MAP7: variants seen among roughly 807,000 people sequenced by gnomAD.
MAP7 encodes the protein ensconsin.
In MAP7, 52 loss-of-function variants were observed where a neutral mutation model predicts 94.8. The ratio of observed to expected loss-of-function variants is 0.55; its 90% CI spans 0.44 to 0.69. MAP7 has a LOEUF of 0.69. Ranked by LOEUF, MAP7 falls within the 30% of genes least tolerant of loss-of-function variation. The pLI is 0.00. For synonymous variants in MAP7, 350 were observed against 357.0 expected, an observed-to-expected ratio of 0.98 and a Z score of 0.22; for missense variants, 940 against 964.6, an observed-to-expected ratio of 0.97 and a Z score of 0.34.
chr6:136,347,585 T>C (rs538742391), intron 16 of MAP7, among the ~76,000 whole-genome samples: 1 of 152,212 alleles, frequency 6.6e-6, no homozygotes, highest in East Asian at 1.9e-4. Context: ...TTTGTATTTT[T>C]AGTAGAGAAA....
chr6:136,485,648 C>T (rs1814449724), intron 1 of MAP7, among the ~76,000 whole-genome samples: 1 of 146,590 alleles, frequency 6.8e-6, no homozygotes, highest in East Asian at 2.0e-4. Context: ...CTGCAAGCTC[C>T]GCCTCCCGGG....
At chr6:136,447,317 T>G (rs569176041) in intron 1 of MAP7, among the ~76,000 whole-genome samples, 1 of 152,246 alleles carries the variant, frequency 6.6e-6, no homozygotes, top group East Asian at 1.9e-4. Flanking sequence ...GTTAAACATC[T>G]GGCAAGGCTT....
intron 7 of MAP7, among the ~76,000 whole-genome samples, 188 bp downstream of exon 7, chr6:136,377,567 G>A (rs1776535972): frequency 2.0e-5 from 3 of 152,206 alleles, no homozygotes; most frequent in Admixed American, 2.0e-4. Context: ...GGCGTCTGGT[G>A]TCCAGATAAG....
chr6:136,436,191 AT>A (rs1796332992), intron 1 of MAP7, among the ~76,000 whole-genome samples: 1 of 152,296 alleles, frequency 6.6e-6, no homozygotes, highest in South Asian at 2.1e-4. Flanking sequence ...AACTATTTAG[AT>A]TTTTAAAATG....
At chr6:136,524,059 G>A (rs959259695) in intron 1 of MAP7, among the ~76,000 whole-genome samples, 1 of 151,900 alleles carries the variant, frequency 6.6e-6, no homozygotes. Context: ...GCCAATAATG[G>A]TGAAACCCCG....
rs752504366 is a variant in MAP7 at position 136,389,465 on chromosome 6, G to A, written c.297C>T (p.Tyr99=). 37 of 1,609,088 alleles carry A rather than the reference G, an allele frequency of 2.3e-5. No individual in the cohort carries two copies. In the Middle Eastern group the frequency reaches 9.9e-4, roughly 43 times the overall value. ...TCTTCCGCTCTTCCAGGTGCTTCTC[G>A]TAGTGCTGCCTGGCTCGCTCTTCTC... ...LEREERARQH[Y]EKHLEERKKR... The change falls in exon 4 of 18, where the codon TAC becomes TAT. Residue 99 remains tyrosine (Y), a synonymous_variant. Coordinates refer to ENST00000354570, the MANE Select transcript of MAP7 (RefSeq NM_003980.6).
intron 1 of MAP7, among the ~76,000 whole-genome samples, chr6:136,449,687 A>G (rs190643495): frequency 6.6e-6 from 1 of 152,348 alleles, no homozygotes; most frequent in Non-Finnish European, 1.5e-5. Flanking sequence ...AAAACTAAAA[A>G]TATGTAAGGA....
chr6:136,545,630 T>C (rs1476212563), intron 1 of MAP7: 1 of 152,268 alleles, frequency 6.6e-6, no homozygotes, highest in Non-Finnish European at 1.5e-5. Context: ...GCTTTACACA[T>C]GTGTCAATAT....
intron 1 of MAP7, among the ~76,000 whole-genome samples, chr6:136,498,098 A>C (rs978055374): frequency 6.6e-6 from 1 of 152,102 alleles, no homozygotes; most frequent in Non-Finnish European, 1.5e-5. Flanking sequence ...CCTTTTGAGA[A>C]GATGATGAAA....
chr6:136,344,203 A>G lies in MAP7; in HGVS notation c.*25T>C. On this transcript the variant is annotated 3_prime_UTR_variant, in exon 18 of 18. Coordinates refer to ENST00000354570, the MANE Select transcript of MAP7 (RefSeq NM_003980.6). ...ATTGTAGAAATTCTCATTAAATTTC[A>G]GCTTTGGTTCTTCAGAAGAAACACT... 1.5e-6 allele frequency: 2 copies of G among 1,299,106 alleles called. No individual in the cohort carries two copies. The highest frequency in any genetic ancestry group is 2.1e-6 in the Non-Finnish European group (2 of 971,150). 80.5% of individuals were successfully genotyped at this position (1,299,106 alleles called of 1,614,324 possible). A position where few individuals can be genotyped will look rare whatever the true frequency, so the allele number is the denominator to read the frequency against.
chr6:136,504,157 T>C (rs540941355), intron 1 of MAP7, among the ~76,000 whole-genome samples: 35 of 152,202 alleles, frequency 2.3e-4, no homozygotes, highest in African/African-American at 8.2e-4. Context: ...ACACAAATGA[T>C]GTATTATTTA....
At chr6:136,370,752 G>C (rs1774213070) in intron 8 of MAP7, among the ~76,000 whole-genome samples, 1 of 152,070 alleles carries the variant, frequency 6.6e-6, no homozygotes, top group Non-Finnish European at 1.5e-5. Flanking sequence ...GCCAGGGCCT[G>C]GGGGGAGGGG....
chr6:136,448,403 T>C (rs1799998679), intron 1 of MAP7, among the ~76,000 whole-genome samples: 1 of 151,912 alleles, frequency 6.6e-6, no homozygotes, highest in African/African-American at 2.4e-5. Context: ...AAGGCTATGG[T>C]TAATGACTAC....
rs567634181 is a variant in MAP7, at chr6:136,472,290, G to C, written c.68-50491C>G. On this transcript the variant is annotated intron_variant, in intron 1 of 17. Transcript: ENST00000354570. ...TCACTGATACAGAGGATTAATGGGA[G>C]AGCCTGACAGCTGGAGTCCTATGTT... is the stretch of plus-strand genomic sequence containing the variant. Among the ~76,000 whole-genome samples, 187 of 152,262 alleles carry C rather than the reference G, an allele frequency of 1.2e-3. 1 individual carries two copies. The highest frequency in any genetic ancestry group is 4.3e-3 in the African/African-American group (177 of 41,546).
At chr6:136,405,485 G>A (rs1467712921) in intron 3 of MAP7, among the ~76,000 whole-genome samples, 1 of 152,226 alleles carries the variant, frequency 6.6e-6, no homozygotes, top group East Asian at 1.9e-4. Flanking sequence ...GCATTTGGCT[G>A]TAGTGTTTAA....
intron 16 of MAP7, among the ~76,000 whole-genome samples, chr6:136,354,132 T>TAC (rs1790089370): frequency 1.4e-5 from 2 of 144,892 alleles, no homozygotes; most frequent in African/African-American, 2.5e-5. Flanking sequence ...ATTATATATA[T>TAC]AAAATATATA....
At position 136,345,963 on chromosome 6, in the gene MAP7, T is replaced by G; in HGVS notation, c.2132A>C (p.Asn711Thr). The change falls in exon 17 of 18, where the codon AAC (asparagine) becomes ACC (threonine). Residue 711 changes from asparagine to threonine, a missense_variant. Coordinates refer to ENST00000354570, the MANE Select transcript of MAP7 (RefSeq NM_003980.6). ...GSKPSRLDVT[N>T]SESPEIPLNP... is the part of the protein sequence containing the mutation. The stretch of plus-strand genomic sequence containing the variant: ...CAAAGGAATTTCTGGGCTCTCACTG[T>G]TGGTGACATCTAATCTGGATGGTTT... 1 of 1,614,004 alleles carries G rather than the reference T, an allele frequency of 6.2e-7. No homozygotes were observed. Among genetic ancestry groups the G allele is most frequent in the Non-Finnish European group, 8.5e-7 (1 of 1,179,844 alleles).
chr6:136,519,366 A>G (rs1362571679), intron 1 of MAP7, among the ~76,000 whole-genome samples: 2 of 152,318 alleles, frequency 1.3e-5, no homozygotes, highest in Non-Finnish European at 1.5e-5. Flanking sequence ...GCCTAGCCCT[A>G]AAATGCCACA....
intron 1 of MAP7, among the ~76,000 whole-genome samples, chr6:136,530,925 T>C (rs1828429390): frequency 6.9e-6 from 1 of 144,872 alleles, no homozygotes; most frequent in South Asian, 2.1e-4. Flanking sequence ...AAACACTTCA[T>C]GGTGCCTACA....
Sources: allele counts gnomAD v4.1 joint callset (sites outside exome capture counted in the v4.1 genomes callset), GRCh38; gene constraint gnomAD v4.1.1; transcripts MANE v1.5; gene names NCBI Gene and HGNC (gene_info 2026-07-23, HGNC 2026-07-21).